The following APOLD1 variants were observed in gnomAD, a reference collection of about 807,000 sequenced individuals.
APOLD1 encodes apolipoprotein L domain-containing protein 1.
APOLD1 carries 22 observed loss-of-function variants against 15.3 expected under a neutral mutation model. The ratio of observed to expected loss-of-function variants is 1.44; its 90% CI spans 1.03 to 2.05. The LOEUF is 2.05. Among genes scored for constraint, APOLD1 ranks in the 30% most tolerant of loss-of-function variants. APOLD1 has a pLI of 0.00. For synonymous variants in APOLD1, 190 were observed against 167.4 expected (o/e 1.13, Z -1.04); for missense variants, 394 against 353.5 (o/e 1.11, Z -0.92).
intron 1 of APOLD1, among the ~76,000 whole-genome samples, chr12:12,778,282 T>C (rs1439798591): frequency 6.6e-6 from 1 of 151,086 alleles, no homozygotes; most frequent in Non-Finnish European, 1.5e-5. Context: ...TGCTTGCTTC[T>C]CCCTGTGGGA....
intron 1 of APOLD1, among the ~76,000 whole-genome samples, chr12:12,742,542 G>A (rs1245937519): frequency 6.6e-6 from 1 of 152,102 alleles, no homozygotes; most frequent in African/African-American, 2.4e-5. Flanking sequence ...CGAGGTGGGT[G>A]GATCACAAGG....
chr12:12,775,725 T>C (rs1947026659), intron 1 of APOLD1, among the ~76,000 whole-genome samples: 1 of 152,116 alleles, frequency 6.6e-6, no homozygotes. Flanking sequence ...AACGATTGGG[T>C]ACAATGGCTT....
At chr12:12,770,360 G>A (rs1393456206) in intron 1 of APOLD1, among the ~76,000 whole-genome samples, 13 of 152,150 alleles carry the variant, frequency 8.5e-5, no homozygotes, top group East Asian at 1.9e-4. Context: ...AGCCGAAATC[G>A]TGCCTTTGCA....
Position 12,787,769 on chromosome 12 carries a change from A to G in APOLD1, c.*117A>G. The stretch of plus-strand genomic sequence containing the variant: ...GGTTAGGAGCCGAAGGCAAAGGATG[A>G]GAAAAACTGTTTTTGAAGTGGGCAG... On this transcript the variant is annotated 3_prime_UTR_variant, in exon 2 of 2. Coordinates refer to ENST00000356591, the MANE Select transcript of APOLD1 (RefSeq NM_030817.3). The surrounding 1 kb of genome is among the most constrained non-coding windows in gnomAD (Gnocchi z 4.9). 1 of 1,452,138 alleles carries G rather than the reference A, an allele frequency of 6.9e-7. No individual in the cohort carries two copies. Among genetic ancestry groups the G allele is most frequent in the South Asian group, 1.4e-5 (1 of 71,520 alleles). The allele number at this position is 1,452,138 out of a possible 1,614,324, so 90.0% of individuals were successfully genotyped here.
chr12:12,764,299 A>G (rs576829079), intron 1 of APOLD1, among the ~76,000 whole-genome samples: 19 of 152,304 alleles, frequency 1.2e-4, no homozygotes, highest in African/African-American at 3.6e-4. Context: ...ATGTTGTACA[A>G]AAGATCTGTT....
intron 1 of APOLD1, among the ~76,000 whole-genome samples, chr12:12,756,262 T>C (rs1040701977): frequency 2.0e-5 from 3 of 152,232 alleles, no homozygotes; most frequent in Admixed American, 1.3e-4. Flanking sequence ...GATTTCTCTT[T>C]GAGTTCTTTT....
Position 12,787,682 on chromosome 12 carries a change from C to A in APOLD1, c.*30C>A, listed in dbSNP as rs375361983. The A allele has an allele frequency of 1.3e-6, 2 of 1,548,166 alleles. No individual in the cohort carries two copies. Among genetic ancestry groups the A allele is most frequent in the Non-Finnish European group, 1.7e-6 (2 of 1,152,320 alleles). Reference sequence around the variant, plus strand: ...ATCCTTTCCCCCTAATGACCGAGGCCAGCAAATCATCCTCATGGGATGCTC... The same window carrying A: ...ATCCTTTCCCCCTAATGACCGAGGCAAGCAAATCATCCTCATGGGATGCTC... On this transcript the variant is annotated 3_prime_UTR_variant, in exon 2 of 2. Transcript: ENST00000356591. The surrounding 1 kb of genome is among the most constrained non-coding windows in gnomAD (Gnocchi z 4.9).
intron 1 of APOLD1, among the ~76,000 whole-genome samples, chr12:12,764,123 C>T (rs143405900): frequency 0.013 from 2,014 of 152,160 alleles, 49 homozygotes; most frequent in African/African-American, 0.046. Context: ...CCACCATGTC[C>T]GGCTAATTTT....
intron 1 of APOLD1, among the ~76,000 whole-genome samples, chr12:12,755,789 C>T (rs995555047): frequency 3.9e-5 from 6 of 152,116 alleles, no homozygotes; most frequent in East Asian, 3.9e-4. Context: ...TGCAGTGAGC[C>T]GAAATTGCGC....
intron 1 of APOLD1, among the ~76,000 whole-genome samples, chr12:12,738,447 C>A (rs532684735): frequency 5.9e-5 from 9 of 152,196 alleles, no homozygotes; most frequent in African/African-American, 2.2e-4. Flanking sequence ...CTCAAGCAGT[C>A]CTCCCAACTT....
At chr12:12,749,526 G>C (rs1946791360) in intron 1 of APOLD1, among the ~76,000 whole-genome samples, 4 of 152,202 alleles carry the variant, frequency 2.6e-5, no homozygotes, top group Admixed American at 2.6e-4. Context: ...TTCCATAGAA[G>C]TGCAACTTTG....
chr12:12,730,026 TTGTGTGTGTGTGTGTGTGTGTG>T (rs749843349), intron 1 of APOLD1, among the ~76,000 whole-genome samples: 24 of 117,738 alleles, frequency 2.0e-4, no homozygotes, highest in Non-Finnish European at 3.4e-4. Flanking sequence ...CCAGCTAACT[TTGTGTGTGTGTGTGTGTGTGTG>T]TGTGTGTGTG....
intron 1 of APOLD1, among the ~76,000 whole-genome samples, chr12:12,776,011 A>AAAC (rs1198631527): frequency 2.7e-5 from 4 of 150,354 alleles, no homozygotes; most frequent in Non-Finnish European, 5.9e-5. Flanking sequence ...CTCAAAAAAA[A>AAAC]AAAAAAAAAA....
intron 1 of APOLD1, among the ~76,000 whole-genome samples, chr12:12,732,158 A>C (rs182299535): frequency 2.0e-5 from 3 of 152,326 alleles, no homozygotes; most frequent in African/African-American, 7.2e-5. Flanking sequence ...AGCCTCATGA[A>C]GAGTTGATTA....
intron 1 of APOLD1, among the ~76,000 whole-genome samples, chr12:12,752,994 T>C (rs79032478): frequency 0.054 from 8,197 of 152,190 alleles, 394 homozygotes; most frequent in African/African-American, 0.13. Flanking sequence ...CAACCCCCAG[T>C]GTCTGGCAAT....
chr12:12,743,575 A>G lies in APOLD1; in HGVS notation c.96+17479A>G, dbSNP rs562563653. Among the ~76,000 whole-genome samples, 26 of 152,136 alleles carry G rather than the reference A, an allele frequency of 1.7e-4. 2 individuals are homozygous for G. The highest frequency in any genetic ancestry group is 5.8e-4 in the African/African-American group (24 of 41,496). ...CTTTGTTTTCTCCACAGCACTTCTC[A>G]CTCTGTGGGAGGCACAAGAATGCCC... On this transcript the variant is annotated intron_variant, in intron 1 of 1. Transcript: ENST00000326765.
upstream of APOLD1, among the ~76,000 whole-genome samples, chr12:12,784,501 G>A (rs753376719): frequency 1.3e-5 from 2 of 152,178 alleles, no homozygotes; most frequent in Non-Finnish European, 2.9e-5. Context: ...AAAGGACTAT[G>A]GTTGTCCTTT....
intron 1 of APOLD1, among the ~76,000 whole-genome samples, chr12:12,770,460 T>A (rs564746067): frequency 7.9e-4 from 120 of 151,820 alleles, no homozygotes; most frequent in African/African-American, 2.8e-3. Context: ...ATGAAAAATG[T>A]CTTTGACGTG....
intron 1 of APOLD1, among the ~76,000 whole-genome samples, chr12:12,733,431 T>A (rs1946659025): frequency 1.3e-5 from 2 of 152,176 alleles, no homozygotes; most frequent in South Asian, 2.1e-4. Context: ...GTGAAAAATT[T>A]AAAAATTCAC....
Sources: allele counts gnomAD v4.1 joint callset (sites outside exome capture counted in the v4.1 genomes callset), GRCh38; gene constraint gnomAD v4.1.1; non-coding constraint Gnocchi (gnomAD v3.1); transcripts MANE v1.5; gene names NCBI Gene and HGNC (gene_info 2026-07-23, HGNC 2026-07-21).